Variants in CHM observed in about 807,000 individuals in gnomAD.
The protein encoded by CHM is rab proteins geranylgeranyltransferase component A 1.
CHM carries 10 observed loss-of-function variants against 49.0 expected under a neutral mutation model. The observed-to-expected ratio is 0.20, with a 90% confidence interval of 0.13 to 0.35. The LOEUF (loss-of-function observed/expected upper bound fraction) is 0.35, where lower values mean the gene tolerates loss of function less well. CHM is among the 10% of genes least tolerant of loss of function. The probability of loss-of-function intolerance (pLI) is 1.00; values close to 1 mark genes in which losing one functional copy is unlikely to be tolerated. For synonymous variants in CHM, 184 were observed against 167.5 expected (o/e 1.10, Z -0.76); for missense variants, 455 against 478.4 (o/e 0.95, Z 0.46).
intron 2 of CHM, among the ~76,000 whole-genome samples, chrX:86,001,062 C>T (rs1282192346): frequency 8.9e-6 from 1 of 111,891 alleles, no homozygotes; most frequent in Non-Finnish European, 1.9e-5. Flanking sequence ...TTGATCATTA[C>T]ACATTGTATA....
chrX:85,882,631 G>T (rs1891099198), intron 12 of CHM, among the ~76,000 whole-genome samples: 1 of 111,543 alleles, frequency 9.0e-6, no homozygotes, highest in Admixed American at 9.5e-5. Context: ...ATTTGTATTG[G>T]CATTAAAGAA....
rs1464930961 is a variant in CHM at position 85,863,556 on chromosome X, T to C, written c.*1074A>G. 1 of 112,273 alleles carries C rather than the reference T, an allele frequency of 8.9e-6. No homozygotes were observed. The highest frequency in any genetic ancestry group is 1.9e-5 in the Non-Finnish European group (1 of 53,268). The allele number at this position is 112,273 out of a possible 1,213,427, so 9.3% of individuals were successfully genotyped here. A position where few individuals can be genotyped will look rare whatever the true frequency, so the allele number is the denominator to read the frequency against. Reference sequence around the variant, plus strand: ...CTATTTTTACTGGTCTGTAAGACTATAAAATACTACTTTAAAAAAGAAATT... The same window carrying C: ...CTATTTTTACTGGTCTGTAAGACTACAAAATACTACTTTAAAAAAGAAATT... On this transcript the variant is annotated 3_prime_UTR_variant, in exon 15 of 15. Coordinates refer to ENST00000357749, the MANE Select transcript of CHM (RefSeq NM_000390.4).
chrX:85,989,092 C>A (rs1422901391), intron 2 of CHM, among the ~76,000 whole-genome samples: 2 of 111,642 alleles, frequency 1.8e-5, no homozygotes, highest in African/African-American at 6.5e-5. Flanking sequence ...TACCAGATTT[C>A]AAACTATACT....
At chrX:85,937,286 C>T (rs1448596250) in intron 8 of CHM, among the ~76,000 whole-genome samples, 1 of 107,403 alleles carries the variant, frequency 9.3e-6, no homozygotes, top group Non-Finnish European at 1.9e-5. Context: ...AAAAAACAGT[C>T]TGTGTAATAA....
intron 1 of CHM, 47 bp from the exon 2 acceptor site, chrX:86,027,604 A>G: frequency 9.3e-7 from 1 of 1,079,125 alleles, no homozygotes; most frequent in Non-Finnish European, 1.3e-6. Flanking sequence ...AAATATATAT[A>G]TTTTACATAA....
At chrX:85,864,894 T>TA (rs374903276) in intron 14 of CHM, 73 bp from the exon 15 acceptor site, 635 of 964,403 alleles carry the variant, frequency 6.6e-4, no homozygotes, top group East Asian at 5.0e-3. Context: ...TGGCATTAAC[T>TA]AAAAAAAAAT....
chrX:86,025,455 C>T (rs753102036), intron 2 of CHM, among the ~76,000 whole-genome samples: 9 of 109,968 alleles, frequency 8.2e-5, no homozygotes, highest in Admixed American at 9.8e-5. Flanking sequence ...TTGGGAGGAT[C>T]GTTTGAGGCC....
chrX:85,876,918 AGAG>A (rs1924454043), intron 13 of CHM, among the ~76,000 whole-genome samples: 1 of 111,551 alleles, frequency 9.0e-6, no homozygotes, highest in Non-Finnish European at 1.9e-5. Flanking sequence ...TAAAAAGTGA[AGAG>A]TAATGACATG....
At chrX:85,878,689 T>C (rs1924566899) in intron 13 of CHM, among the ~76,000 whole-genome samples, 1 of 111,463 alleles carries the variant, frequency 9.0e-6, no homozygotes, top group Admixed American at 9.6e-5. Flanking sequence ...CTAACAATCC[T>C]TTTTCTGTGT....
chrX:85,897,000 T>C (rs1391780631), intron 11 of CHM, among the ~76,000 whole-genome samples: 4 of 95,881 alleles, frequency 4.2e-5, no homozygotes, highest in Non-Finnish European at 8.0e-5. Context: ...ATATTAATTA[T>C]ATAATACATA....
intron 2 of CHM, among the ~76,000 whole-genome samples, chrX:86,011,211 G>A (rs961667770): frequency 9.0e-6 from 1 of 111,257 alleles, no homozygotes; most frequent in African/African-American, 3.3e-5. Flanking sequence ...CAATAATACA[G>A]TATGAAAAAT....
In CHM at chrX:85,953,535, T is replaced by C. The variant is rs184030034; in HGVS notation, c.1166+2618A>G. ...TATTTCAAATTATACTACAGAACTATAGTCACCAAAACAGCATGGTACTGG... is the reference window on the plus strand; with the variant it reads ...TATTTCAAATTATACTACAGAACTACAGTCACCAAAACAGCATGGTACTGG... On this transcript the variant is annotated intron_variant, in intron 8 of 14. Transcript: ENST00000357749. Among the ~76,000 whole-genome samples, 241 of 111,522 alleles carry C rather than the reference T, an allele frequency of 2.2e-3. 1 individual carries two copies. Among genetic ancestry groups the C allele is most frequent in the Non-Finnish European group, 3.9e-3 (208 of 53,132 alleles).
intron 8 of CHM, among the ~76,000 whole-genome samples, chrX:85,913,641 T>C (rs991609866): frequency 2.7e-5 from 3 of 110,291 alleles, no homozygotes; most frequent in Non-Finnish European, 5.7e-5. Context: ...TCCAGGATGG[T>C]AAGATAATAA....
chrX:86,019,212 C>T (rs772613174), intron 2 of CHM, among the ~76,000 whole-genome samples: 4 of 110,983 alleles, frequency 3.6e-5, no homozygotes, highest in East Asian at 2.8e-4. Context: ...AAATATATTT[C>T]GAAATTTAAA....
Position 85,862,440 on chromosome X carries a change from G to T in CHM, c.*2190C>A, listed in dbSNP as rs1224907387. On this transcript the variant is annotated 3_prime_UTR_variant, in exon 15 of 15. Coordinates refer to ENST00000357749, the MANE Select transcript of CHM (RefSeq NM_000390.4). Reference sequence around the variant, plus strand: ...TTATAATATATTGCTGATATCCAGGGGCAAGGCCAATATCCGGTACATTAA... The same window carrying T: ...TTATAATATATTGCTGATATCCAGGTGCAAGGCCAATATCCGGTACATTAA... 2 of 112,065 alleles carry T rather than the reference G, an allele frequency of 1.8e-5. No individual in the cohort carries two copies. Among genetic ancestry groups the T allele is most frequent in the African/African-American group, 6.5e-5 (2 of 30,693 alleles). The allele number at this position is 112,065 out of a possible 1,213,427, so 9.2% of individuals were successfully genotyped here.
chrX:85,932,460 A>G (rs1928492444), intron 8 of CHM, among the ~76,000 whole-genome samples: 1 of 112,512 alleles, frequency 8.9e-6, no homozygotes, highest in African/African-American at 3.2e-5. Flanking sequence ...TTCTTTTCTC[A>G]TATAAATTGT....
intron 8 of CHM, among the ~76,000 whole-genome samples, chrX:85,953,588 A>C (rs1275116432): frequency 3.6e-5 from 4 of 111,644 alleles, no homozygotes; most frequent in Non-Finnish European, 7.5e-5. Context: ...AAACCAAAAA[A>C]ACAGAATAGA....
intron 12 of CHM, among the ~76,000 whole-genome samples, chrX:85,879,644 C>T (rs1318823415): frequency 2.7e-5 from 3 of 111,271 alleles, no homozygotes; most frequent in Non-Finnish European, 5.7e-5. Context: ...GAGAAAATCA[C>T]GTACAAACAA....
At chrX:85,892,108 T>A (rs1925504499) in intron 12 of CHM, among the ~76,000 whole-genome samples, 2 of 112,030 alleles carry the variant, frequency 1.8e-5, no homozygotes, top group Middle Eastern at 4.6e-3. Context: ...CCCCATTGTA[T>A]CTAGGAAGTT....
Sources: gnomAD v4.1 joint callset for allele counts (sites outside exome capture counted in the v4.1 genomes callset) on GRCh38, gnomAD v4.1.1 for gene constraint, MANE v1.5 for transcripts, NCBI Gene and HGNC (gene_info 2026-07-23, HGNC 2026-07-21) for gene names.